GEN1: variants seen among roughly 807,000 people sequenced by gnomAD.
GEN1 encodes flap endonuclease GEN homolog 1.
A neutral mutation model predicts 67.6 loss-of-function variants in GEN1; 64 were observed. That is an observed-to-expected ratio of 0.95 (90% confidence interval 0.77 to 1.17). GEN1 has a LOEUF of 1.17. Among genes scored for constraint, GEN1 ranks in the 50% most tolerant of loss-of-function variants. GEN1 has a pLI of 0.00. For missense variants in GEN1, 1,058 were observed against 1,048.3 expected (o/e 1.01, Z -0.13); for synonymous variants, 371 against 359.4 (o/e 1.03, Z -0.37).
Position 17,780,869 on chromosome 2 carries a change from A to G in GEN1, c.1657A>G (p.Ile553Val), listed in dbSNP as rs1298992321. The change falls in exon 14 of 14, where the codon ATA (isoleucine) becomes GTA (valine). Residue 553 changes from isoleucine to valine, a missense_variant. Transcript: ENST00000381254. Reference sequence around the variant, plus strand: ...CATGTCTTCTCTAAGACCTTTGGCTATACAGCAAATTAAAGCTGTCAGTAA... The same window carrying G: ...CATGTCTTCTCTAAGACCTTTGGCTGTACAGCAAATTAAAGCTGTCAGTAA... ...QFMSSLRPLA[I>V]QQIKAVSKSL... 6 of 1,613,948 alleles carry G rather than the reference A, an allele frequency of 3.7e-6. No homozygotes were observed. In the East Asian group the frequency reaches 1.3e-4, roughly 36 times the overall value.
At chr2:17,772,166 CTG>C (rs1040795262) in intron 7 of GEN1, among the ~76,000 whole-genome samples, 1 of 152,046 alleles carries the variant, frequency 6.6e-6, no homozygotes, top group African/African-American at 2.4e-5. Context: ...TTAAAAATAA[CTG>C]TAACTGAGAG....
In GEN1 at chr2:17,761,464, A is replaced by G. The variant is rs1671674065; in HGVS notation, c.230A>G (p.Glu77Gly). ...DVKLVFVMEG[E>G]PPKLKADVIS... ...AAACTGGTATTTGTTATGGAAGGGG[A>G]ACCACCAAAGCTGAAAGCTGATGTC... Residue 77 changes from glutamate to glycine, a missense_variant, in exon 3 of 14, where the codon GAA (glutamate) becomes GGA (glycine). Transcript: ENST00000381254. The G allele has an allele frequency of 2.5e-6, 4 of 1,612,956 alleles. No homozygotes were observed. The highest frequency in any genetic ancestry group is 3.4e-6 in the Non-Finnish European group (4 of 1,178,974).
chr2:17,781,038 A>G lies in GEN1; in HGVS notation c.1826A>G (p.Asp609Gly), dbSNP rs2125178678. ...PAIQRNTFSH[D>G]LKSEVESELS... ...ATTCAAAGGAATACTTTTTCTCATG[A>G]TTTAAAATCAGAAGTTGAATCAGAG... is the stretch of plus-strand genomic sequence containing the variant. Residue 609 changes from aspartate (D) to glycine (G), a missense_variant, in exon 14 of 14, where the codon GAT (aspartate) becomes GGT (glycine). By Grantham distance (94) the Asp-to-Gly change is moderately conservative (BLOSUM62 -1). Coordinates refer to ENST00000381254, the MANE Select transcript of GEN1 (RefSeq NM_001130009.3). 1 of 1,613,894 alleles carries G rather than the reference A, an allele frequency of 6.2e-7. No individual in the cohort carries two copies. Among genetic ancestry groups the G allele is most frequent in the Non-Finnish European group, 8.5e-7 (1 of 1,179,868 alleles).
At chr2:17,759,290 T>G (rs1047054457) in intron 1 of GEN1, among the ~76,000 whole-genome samples, 5 of 152,228 alleles carry the variant, frequency 3.3e-5, no homozygotes, top group Admixed American at 2.6e-4. Flanking sequence ...CCAAACCAGA[T>G]AATAGTAGCA....
At chr2:17,778,212 A>ATG (rs1672562278) in intron 12 of GEN1, 149 bp downstream of exon 12, 2 of 472,210 alleles carry the variant, frequency 4.2e-6, no homozygotes, top group African/African-American at 4.1e-5. Context: ...ATGTGTATAT[A>ATG]TATGTATACA....
Position 17,781,980 on chromosome 2 carries a change from A to G in GEN1, c.*41A>G, listed in dbSNP as rs758778347. 2.7e-6 allele frequency: 3 copies of G among 1,107,222 alleles called. No homozygotes were observed. Among genetic ancestry groups the G allele is most frequent in the Non-Finnish European group, 3.9e-6 (3 of 768,802 alleles). The allele number at this position is 1,107,222 out of a possible 1,614,324, so 68.6% of individuals were successfully genotyped here. On this transcript the variant is annotated 3_prime_UTR_variant, in exon 14 of 14. Transcript: ENST00000381254. Reference sequence around the variant, plus strand: ...GGTATAACTTAACTATTTTAGTACTATCAGCAATAGCAGAGACAGAGGGAA... The same window carrying G: ...GGTATAACTTAACTATTTTAGTACTGTCAGCAATAGCAGAGACAGAGGGAA...
chr2:17,778,199 T>TATGTGTATATATATGTATACACACACAC (rs1672554645), intron 12 of GEN1, 136 bp downstream of exon 12: 6 of 120,798 alleles, frequency 5.0e-5, no homozygotes, highest in East Asian at 2.6e-4. Flanking sequence ...CACACACACA[T>TATGTGTATATATATGTATACACACACAC]ATATGTGTAT....
At chr2:17,776,845 G>A (rs1027371063) in intron 11 of GEN1, among the ~76,000 whole-genome samples, 2 of 152,092 alleles carry the variant, frequency 1.3e-5, no homozygotes, top group Non-Finnish European at 2.9e-5. Context: ...TGCAGTTAAA[G>A]GGCTGGGCGT....
intron 7 of GEN1, 89 bp downstream of exon 7, chr2:17,771,376 A>G: frequency 1.2e-6 from 1 of 807,474 alleles, no homozygotes; most frequent in East Asian, 2.5e-5. Flanking sequence ...CAATATTAAT[A>G]ATACTTTGAA....
At chr2:17,760,705 A>G (rs10439376) in intron 2 of GEN1, among the ~76,000 whole-genome samples, 5,602 of 152,106 alleles carry the variant, frequency 0.037, 307 homozygotes, top group African/African-American at 0.11. Flanking sequence ...GTGGATCACA[A>G]AGTCAGGAGT....
chr2:17,779,756 C>T (rs1256707327), intron 12 of GEN1, among the ~76,000 whole-genome samples: 1 of 152,140 alleles, frequency 6.6e-6, no homozygotes, highest in African/African-American at 2.4e-5. Context: ...CACGCACCAG[C>T]ATGCCCGGCT....
intron 12 of GEN1, among the ~76,000 whole-genome samples, chr2:17,778,352 G>A (rs1242703756): frequency 1.7e-5 from 1 of 60,322 alleles, no homozygotes; most frequent in Non-Finnish European, 3.2e-5. Context: ...ACACACATGT[G>A]TGTACATATA....
intron 5 of GEN1, 74 bp from the exon 6 acceptor site, chr2:17,768,664 C>T: frequency 2.8e-6 from 3 of 1,085,502 alleles, no homozygotes; most frequent in East Asian, 2.4e-5. Context: ...GCTGACTCTT[C>T]CGTTCAATTA....
intron 4 of GEN1, 87 bp from the exon 5 acceptor site, chr2:17,766,492 A>T: frequency 2.7e-6 from 2 of 751,354 alleles, no homozygotes; most frequent in South Asian, 3.7e-5. Flanking sequence ...ACATTTAAAG[A>T]TAACATTGAC....
Position 17,787,851 on chromosome 2 carries a change from G to A in GEN1, c.*5912G>A, listed in dbSNP as rs1673107397. The A allele has an allele frequency of 6.6e-6, 1 of 152,432 alleles. No homozygotes were observed. The highest frequency in any genetic ancestry group is 2.4e-5 in the African/African-American group (1 of 41,450). The allele number at this position is 152,432 out of a possible 1,614,324, so 9.4% of individuals were successfully genotyped here. On this transcript the variant is annotated 3_prime_UTR_variant, in exon 14 of 14. Coordinates refer to ENST00000381254, the MANE Select transcript of GEN1 (RefSeq NM_001130009.3). ...AGACAAGAGAATCACTTGAACCCGG[G>A]AGGCGGAGGTTGCAGTGAGCTGAGA...
At chr2:17,763,386 A>G (rs1305580518) in intron 3 of GEN1, among the ~76,000 whole-genome samples, 1 of 152,188 alleles carries the variant, frequency 6.6e-6, no homozygotes, top group African/African-American at 2.4e-5. Flanking sequence ...AGAGATGTCC[A>G]TCTCTTCTTA....
chr2:17,780,137 G>A lies in GEN1; in HGVS notation c.1408+16G>A, dbSNP rs543427482. On this transcript the variant is annotated intron_variant, in intron 13 of 13. Transcript: ENST00000381254. ...AAACAAAAACGTAAGTTTTGGGTTT[G>A]ATAGCTATTTATGCCACATGCAAAT... The A allele has an allele frequency of 5.6e-6, 9 of 1,603,012 alleles. No homozygotes were observed. The African/African-American group carries it at 9.4e-5, about 17-fold the overall frequency.
At chr2:17,764,280 A>T (rs1671821610) in intron 3 of GEN1, among the ~76,000 whole-genome samples, 1 of 152,236 alleles carries the variant, frequency 6.6e-6, no homozygotes, top group Non-Finnish European at 1.5e-5. Flanking sequence ...TTAAAATTCA[A>T]GCCAAAACTG....
At position 17,765,034 on chromosome 2, in the gene GEN1, G is replaced by C; in HGVS notation, c.486G>C (p.Gly162=). 6.2e-7 allele frequency: 1 copy of C among 1,613,998 alleles called. No individual in the cohort carries two copies. The highest frequency in any genetic ancestry group is 8.5e-7 in the Non-Finnish European group (1 of 1,180,000). ...LTNDGDTFLY[G]AQTVYRNFTM... ...ATGATGGAGATACTTTCCTTTATGG[G>C]GCCCAGACTGTTTACAGGAATTTCA... Residue 162 remains glycine, a synonymous_variant, in exon 4 of 14, where the codon GGG becomes GGC. Transcript: ENST00000381254.
Sources: gnomAD v4.1 joint callset for allele counts (sites outside exome capture counted in the v4.1 genomes callset) on GRCh38, gnomAD v4.1.1 for gene constraint, MANE v1.5 for transcripts, NCBI Gene and HGNC (gene_info 2026-07-23, HGNC 2026-07-21) for gene names.